The following AP3S1 variants were observed in gnomAD, a reference collection of about 807,000 sequenced individuals.
AP3S1 encodes the protein adaptor related protein complex 3 subunit sigma 1.
In AP3S1, 12 loss-of-function variants were observed where a neutral mutation model predicts 21.3. The observed-to-expected ratio is 0.56, with a 90% CI of 0.36 to 0.91. AP3S1 has a LOEUF of 0.91. AP3S1 is among the 40% of genes least tolerant of loss of function. The pLI, the probability that AP3S1 is intolerant of heterozygous loss-of-function variation, is 0.01. For missense variants in AP3S1, 116 were observed against 225.0 expected (o/e 0.52, Z 3.10); for synonymous variants, 48 against 78.4 (o/e 0.61, Z 2.05).
rs559131128 is a variant in AP3S1 at position 115,854,828 on chromosome 5, C to T, written c.70-11842C>T. Among the ~76,000 whole-genome samples the T allele has an allele frequency of 3.3e-5, 5 of 152,100 alleles. No individual in the cohort carries two copies. The South Asian group carries it at 8.3e-4, about 25-fold the overall frequency. ...TTTGAATTCTACCTATTCTTTAATG[C>T]CCTTCCTCAGTATTTGTCACTTTTC... On this transcript the variant is annotated intron_variant, in intron 1 of 5. Coordinates refer to ENST00000316788, the MANE Select transcript of AP3S1 (RefSeq NM_001284.4).
intron 1 of AP3S1, chr5:115,852,980 G>A (rs902034577): frequency 6.6e-6 from 3 of 454,130 alleles, no homozygotes; most frequent in African/African-American, 6.0e-5. Context: ...TTTCTCTAGG[G>A]TATATAACTG....
intron 3 of AP3S1, among the ~76,000 whole-genome samples, chr5:115,892,783 A>T (rs556216591): frequency 3.9e-5 from 6 of 152,328 alleles, no homozygotes; most frequent in African/African-American, 1.4e-4. Context: ...ATAATCATTG[A>T]ATTGCACATT....
At chr5:115,863,502 G>A (rs1041102211) in intron 1 of AP3S1, among the ~76,000 whole-genome samples, 5 of 152,142 alleles carry the variant, frequency 3.3e-5, no homozygotes, top group Admixed American at 2.6e-4. Context: ...GAACCCTGGA[G>A]GTGGGTTGCA....
intron 3 of AP3S1, among the ~76,000 whole-genome samples, chr5:115,878,741 A>G (rs150793515): frequency 1.7e-3 from 260 of 152,234 alleles, no homozygotes; most frequent in African/African-American, 3.8e-3. Context: ...AAGAAAGTCA[A>G]TGGTAGCTTG....
intron 3 of AP3S1, among the ~76,000 whole-genome samples, chr5:115,884,117 C>G (rs1749555131): frequency 2.0e-5 from 3 of 152,042 alleles, no homozygotes; most frequent in African/African-American, 7.2e-5. Context: ...TTGCTGAGAT[C>G]TATTAATGTG....
chr5:115,888,260 C>G (rs1749969908), intron 3 of AP3S1, among the ~76,000 whole-genome samples: 1 of 152,040 alleles, frequency 6.6e-6, no homozygotes, highest in South Asian at 2.1e-4. Context: ...CTCCTTTTAT[C>G]TTTCTACTTG....
intron 3 of AP3S1, among the ~76,000 whole-genome samples, chr5:115,881,724 T>G (rs771943136): frequency 3.3e-5 from 5 of 152,188 alleles, no homozygotes; most frequent in Non-Finnish European, 7.3e-5. Context: ...TCTCTGTATT[T>G]CCTGAATTTG....
At chr5:115,849,204 G>A (rs964750439) in intron 1 of AP3S1, among the ~76,000 whole-genome samples, 1 of 152,196 alleles carries the variant, frequency 6.6e-6, no homozygotes, top group Non-Finnish European at 1.5e-5. Flanking sequence ...TAGGAGATAG[G>A]CAGTAAATTA....
At chr5:115,882,537 A>G (rs1314517962) in intron 3 of AP3S1, among the ~76,000 whole-genome samples, 1 of 152,158 alleles carries the variant, frequency 6.6e-6, no homozygotes, top group East Asian at 1.9e-4. Context: ...AGGCTGCAGA[A>G]CAGCAAAGAT....
rs1216925380 is a variant in AP3S1 at position 115,844,501 on chromosome 5, G to C, written c.69+2395G>C. ...AAGAAAGGCAGCCTTGCAGATATCT[G>C]GGGGAAGAGCATCCCGGGTAGAAGG... On this transcript the variant is annotated intron_variant, in intron 1 of 5. Coordinates refer to ENST00000316788, the MANE Select transcript of AP3S1 (RefSeq NM_001284.4). 2.0e-5 allele frequency among the ~76,000 whole-genome samples: 3 copies of C among 152,292 alleles called. No individual in the cohort carries two copies. In the South Asian group the frequency reaches 6.2e-4, roughly 32 times the overall value.
rs1752285582 is a variant in AP3S1, at chr5:115,913,667, G to C, written c.*177G>C. The C allele has an allele frequency of 8.8e-7, 1 of 1,136,164 alleles. No individual in the cohort carries two copies. The highest frequency in any genetic ancestry group is 1.2e-6 in the Non-Finnish European group (1 of 833,740). The allele number at this position is 1,136,164 out of a possible 1,614,324, so 70.4% of individuals were successfully genotyped here. A position where few individuals can be genotyped will look rare whatever the true frequency, so the allele number is the denominator to read the frequency against. On this transcript the variant is annotated 3_prime_UTR_variant, in exon 6 of 6. Transcript: ENST00000316788. The stretch of plus-strand genomic sequence containing the variant: ...ATGAAAGTTCAATGTTGCTGTTCTT[G>C]CTCAGTGATTTTAAAGAAATTGAGT...
intron 1 of AP3S1, chr5:115,853,162 C>T (rs1232559321): frequency 2.8e-6 from 1 of 354,002 alleles, no homozygotes; most frequent in African/African-American, 2.1e-5. Flanking sequence ...TTTATTCTAG[C>T]TGTCCTGATG....
chr5:115,893,848 GCTGTTC>G (rs1300987680), intron 3 of AP3S1, among the ~76,000 whole-genome samples: 2 of 152,058 alleles, frequency 1.3e-5, no homozygotes, highest in Non-Finnish European at 2.9e-5. Flanking sequence ...ATTATTAATA[GCTGTTC>G]CTTTTTACTT....
At chr5:115,851,297 A>G (rs541808227) in intron 1 of AP3S1, among the ~76,000 whole-genome samples, 42 of 152,256 alleles carry the variant, frequency 2.8e-4, no homozygotes, top group African/African-American at 9.9e-4. Context: ...AGATGTACTG[A>G]TATCTGTTTG....
chr5:115,913,251 T>G, intron 5 of AP3S1, 111 bp from the exon 6 acceptor site: 1 of 866,516 alleles, frequency 1.2e-6, no homozygotes, highest in Non-Finnish European at 1.5e-6. Context: ...ATCTGGTCCC[T>G]AAGCTTGTTA....
intron 1 of AP3S1, among the ~76,000 whole-genome samples, chr5:115,857,337 A>C (rs887797407): frequency 6.6e-6 from 1 of 152,200 alleles, no homozygotes; most frequent in East Asian, 1.9e-4. Context: ...TGTATAAAGT[A>C]AGTGTATGAA....
intron 1 of AP3S1, among the ~76,000 whole-genome samples, chr5:115,845,811 T>G (rs995569850): frequency 1.2e-4 from 14 of 112,992 alleles, no homozygotes; most frequent in Non-Finnish European, 2.0e-4. Flanking sequence ...CATTCCAGCC[T>G]GGGTGACAGA....
At chr5:115,856,517 T>A (rs1762813235) in intron 1 of AP3S1, among the ~76,000 whole-genome samples, 1 of 151,910 alleles carries the variant, frequency 6.6e-6, no homozygotes, top group Non-Finnish European at 1.5e-5. Flanking sequence ...GGCAGTGGTG[T>A]GATCATTAGC....
At chr5:115,868,950 GA>G (rs1747963426) in intron 2 of AP3S1, among the ~76,000 whole-genome samples, 3 of 63,696 alleles carry the variant, frequency 4.7e-5, no homozygotes, top group African/African-American at 1.8e-4. Context: ...AGGAAGGAAG[GA>G]AGGGAGGGAG....
Sources: allele counts gnomAD v4.1 joint callset (sites outside exome capture counted in the v4.1 genomes callset), GRCh38; gene constraint gnomAD v4.1.1; transcripts MANE v1.5; gene names NCBI Gene and HGNC (gene_info 2026-07-23, HGNC 2026-07-21).